Variants in CNTNAP2 observed in about 807,000 individuals in gnomAD.
The protein encoded by CNTNAP2 is contactin-associated protein-like 2.
In CNTNAP2, 98 loss-of-function variants were observed where a neutral mutation model predicts 155.2. The observed-to-expected ratio is 0.63, with a 90% CI of 0.54 to 0.75. The LOEUF (loss-of-function observed/expected upper bound fraction) is 0.75, where lower values mean the gene tolerates loss of function less well. CNTNAP2 is among the 30% of genes least tolerant of loss of function. The pLI is 0.00. For synonymous variants in CNTNAP2, 651 were observed against 631.2 expected (o/e 1.03, Z -0.47); for missense variants, 1,727 against 1,688.1 (o/e 1.02, Z -0.40).
At chr7:147,820,428 A>G (rs1217840332) in intron 13 of CNTNAP2, among the ~76,000 whole-genome samples, 1 of 152,094 alleles carries the variant, frequency 6.6e-6, no homozygotes, top group East Asian at 1.9e-4. Flanking sequence ...ATATATTTGA[A>G]TGATACATTT....
At chr7:148,410,916 CTTGG>C (rs759725751) in intron 23 of CNTNAP2, among the ~76,000 whole-genome samples, 1 of 152,152 alleles carries the variant, frequency 6.6e-6, no homozygotes. Context: ...ATGTACTGTA[CTTGG>C]TTGATGAACC....
At chr7:147,942,905 C>T (rs999117049) in intron 14 of CNTNAP2, among the ~76,000 whole-genome samples, 7 of 152,090 alleles carry the variant, frequency 4.6e-5, no homozygotes, top group East Asian at 1.9e-4. Context: ...GGTGTGGTGG[C>T]GGGTGCCTGT....
intron 1 of CNTNAP2, among the ~76,000 whole-genome samples, chr7:146,529,917 A>G (rs913618734): frequency 2.0e-5 from 3 of 152,100 alleles, no homozygotes; most frequent in Non-Finnish European, 4.4e-5. Flanking sequence ...GTGAGCCGAG[A>G]TCGTGCCACT....
intron 1 of CNTNAP2, among the ~76,000 whole-genome samples, chr7:146,561,989 A>G (rs1798286736): frequency 6.6e-6 from 1 of 151,800 alleles, no homozygotes; most frequent in Admixed American, 6.6e-5. Flanking sequence ...GGGGTTTCAC[A>G]ATGTTGCCCA....
At chr7:147,905,845 C>T (rs980075043) in intron 14 of CNTNAP2, among the ~76,000 whole-genome samples, 6 of 151,706 alleles carry the variant, frequency 4.0e-5, no homozygotes, top group South Asian at 2.1e-4. Context: ...GATCCCAGAT[C>T]GTGCCACTGC....
intron 1 of CNTNAP2, among the ~76,000 whole-genome samples, chr7:146,282,033 A>C (rs1202211857): frequency 6.6e-6 from 1 of 152,122 alleles, no homozygotes; most frequent in Admixed American, 6.6e-5. Context: ...CCTAAAATCA[A>C]AAAGTAAAGG....
chr7:147,045,155 C>G (rs1373986511), intron 4 of CNTNAP2, among the ~76,000 whole-genome samples: 2 of 152,038 alleles, frequency 1.3e-5, no homozygotes, highest in Non-Finnish European at 2.9e-5. Flanking sequence ...AACAAAGATG[C>G]TGGGTATGAA....
intron 13 of CNTNAP2, among the ~76,000 whole-genome samples, chr7:147,762,426 A>G (rs1351281705): frequency 6.6e-6 from 1 of 152,142 alleles, no homozygotes; most frequent in African/African-American, 2.4e-5. Context: ...AAAGGCAAAC[A>G]GGATGAGTTC....
intron 15 of CNTNAP2, among the ~76,000 whole-genome samples, chr7:148,015,303 T>A (rs1319864040): frequency 6.6e-6 from 1 of 152,200 alleles, no homozygotes; most frequent in Non-Finnish European, 1.5e-5. Flanking sequence ...AGGGCTGATG[T>A]CCTCCAAGCT....
At chr7:147,587,009 A>C (rs1242499920) in intron 12 of CNTNAP2, among the ~76,000 whole-genome samples, 1 of 152,172 alleles carries the variant, frequency 6.6e-6, no homozygotes, top group Non-Finnish European at 1.5e-5. Flanking sequence ...TGAATTGAGT[A>C]GATACTGGCA....
At chr7:148,213,163 C>T (rs989782206) in intron 18 of CNTNAP2, among the ~76,000 whole-genome samples, 1 of 152,152 alleles carries the variant, frequency 6.6e-6, no homozygotes, top group African/African-American at 2.4e-5. Context: ...ATCTCACACC[C>T]TTGTGCGCAT....
At chr7:147,397,071 G>A (rs1796829088) in intron 10 of CNTNAP2, among the ~76,000 whole-genome samples, 1 of 152,026 alleles carries the variant, frequency 6.6e-6, no homozygotes, top group South Asian at 2.1e-4. Flanking sequence ...GTAAGTTACA[G>A]TTTGTGGTGG....
intron 1 of CNTNAP2, among the ~76,000 whole-genome samples, chr7:146,150,410 G>A (rs933856406): frequency 2.0e-5 from 3 of 152,028 alleles, no homozygotes; most frequent in African/African-American, 7.2e-5. Context: ...TATTTACTCT[G>A]TAGAAATAAA....
At chr7:147,225,778 GGAAGGAAGGAAGGAAGGAAGGAAA>G (rs774971875) in intron 8 of CNTNAP2, among the ~76,000 whole-genome samples, 4,993 of 132,724 alleles carry the variant, frequency 0.038, 192 homozygotes, top group Non-Finnish European at 0.054. Flanking sequence ...AAGGAAGGAA[GGAAGGAAGGAAGGAAGGAAGGAAA>G]GAAAGAAAGA....
intron 1 of CNTNAP2, among the ~76,000 whole-genome samples, chr7:146,738,751 C>T (rs1585067238): frequency 6.6e-6 from 1 of 151,700 alleles, no homozygotes; most frequent in East Asian, 1.9e-4. Flanking sequence ...ATTTTCCAAA[C>T]AGCTATCAGG....
At chr7:147,144,801 A>G (rs1179205720) in intron 8 of CNTNAP2, among the ~76,000 whole-genome samples, 1 of 152,232 alleles carries the variant, frequency 6.6e-6, no homozygotes. Context: ...ATTGAAAAAT[A>G]GAGAATGTGA....
Position 147,033,176 on chromosome 7 carries a change from A to G in CNTNAP2, c.403-10731A>G, listed in dbSNP as rs1009761191. On this transcript the variant is annotated intron_variant, in intron 3 of 23. Coordinates refer to ENST00000361727, the MANE Select transcript of CNTNAP2 (RefSeq NM_014141.6). The stretch of plus-strand genomic sequence containing the variant: ...TATATATATGTATATATATATATAT[A>G]TATATATATATATATATATATATAT... Among the ~76,000 whole-genome samples the G allele has an allele frequency of 8.5e-4, 42 of 49,512 alleles. 1 individual carries two copies. Among genetic ancestry groups the G allele is most frequent in the African/African-American group, 2.6e-3 (36 of 13,642 alleles). The allele number at this position is 49,512 out of a possible 152,430, so 32.5% of individuals were successfully genotyped here.
rs548619836 is a variant in CNTNAP2, at chr7:146,145,614, A to G, written c.97+28641A>G. On this transcript the variant is annotated intron_variant, in intron 1 of 23. Transcript: ENST00000361727. Reference sequence around the variant, plus strand: ...AGAAATAAGAATTGTTTCCTTCTGCATGGTAAGCAGCTCTCCTTGTCCAAT... The same window carrying G: ...AGAAATAAGAATTGTTTCCTTCTGCGTGGTAAGCAGCTCTCCTTGTCCAAT... 9.2e-5 allele frequency among the ~76,000 whole-genome samples: 14 copies of G among 152,306 alleles called. No homozygotes were observed. The South Asian group carries it at 1.7e-3, about 18-fold the overall frequency.
chr7:146,406,459 T>A (rs1006093275), intron 1 of CNTNAP2, among the ~76,000 whole-genome samples: 2 of 152,226 alleles, frequency 1.3e-5, no homozygotes, highest in African/African-American at 4.8e-5. Context: ...CTAGGACAGT[T>A]ACAGAACTGG....
Sources: allele counts gnomAD v4.1 joint callset (sites outside exome capture counted in the v4.1 genomes callset), GRCh38; gene constraint gnomAD v4.1.1; transcripts MANE v1.5; gene names NCBI Gene and HGNC (gene_info 2026-07-23, HGNC 2026-07-21).